Variants in PTPRT observed in about 807,000 individuals in gnomAD.
PTPRT encodes protein tyrosine phosphatase receptor type T.
Under a neutral mutation model 176.8 loss-of-function variants are expected in PTPRT, and 56 were observed. The ratio of observed to expected loss-of-function variants is 0.32; its 90% CI spans 0.26 to 0.40. PTPRT has a LOEUF of 0.40. Among genes scored for constraint, PTPRT ranks in the 10% least tolerant of loss-of-function variants. PTPRT has a pLI of 1.00. For synonymous variants in PTPRT, 783 were observed against 739.0 expected, an observed-to-expected ratio of 1.06 and a Z score of -0.96; for missense variants, 1,540 against 1,908.2, an observed-to-expected ratio of 0.81 and a Z score of 3.60.
At chr20:42,402,330 C>A (rs2058916376) in intron 9 of PTPRT, among the ~76,000 whole-genome samples, 1 of 151,878 alleles carries the variant, frequency 6.6e-6, no homozygotes, top group Non-Finnish European at 1.5e-5. Context: ...ACCAACCAAG[C>A]CTGTGCTAAA....
chr20:42,259,914 T>C (rs947921999), intron 13 of PTPRT, among the ~76,000 whole-genome samples: 4 of 152,212 alleles, frequency 2.6e-5, no homozygotes, highest in Non-Finnish European at 4.4e-5. Context: ...CTTGGTCTCA[T>C]TAGCATCAGT....
chr20:42,676,109 T>C (rs573105026), intron 7 of PTPRT, among the ~76,000 whole-genome samples: 2 of 152,188 alleles, frequency 1.3e-5, no homozygotes, highest in Admixed American at 6.5e-5. Context: ...TGGCACTCAG[T>C]AAGTTTCAGA....
At chr20:42,177,303 A>G (rs547061842) in intron 16 of PTPRT, among the ~76,000 whole-genome samples, 10 of 152,256 alleles carry the variant, frequency 6.6e-5, no homozygotes, top group Non-Finnish European at 1.0e-4. Flanking sequence ...TCCAGTTAAA[A>G]GATACAATGT....
At chr20:42,369,499 T>C (rs2058559122) in intron 9 of PTPRT, among the ~76,000 whole-genome samples, 1 of 152,146 alleles carries the variant, frequency 6.6e-6, no homozygotes, top group Non-Finnish European at 1.5e-5. Flanking sequence ...ATAGAGTCAA[T>C]GGTGCTGTGG....
chr20:42,195,891 A>G (rs1017856558), intron 16 of PTPRT, among the ~76,000 whole-genome samples: 2 of 152,210 alleles, frequency 1.3e-5, no homozygotes, highest in African/African-American at 4.8e-5. Flanking sequence ...ATTAGATTTC[A>G]CTGGATATTT....
intron 7 of PTPRT, among the ~76,000 whole-genome samples, chr20:42,629,147 G>T (rs767623611): frequency 4.6e-5 from 7 of 151,482 alleles, no homozygotes; most frequent in Non-Finnish European, 1.0e-4. Flanking sequence ...GCCAATTACT[G>T]TGGAAGACTC....
At chr20:42,740,035 G>A (rs1387080282) in intron 6 of PTPRT, among the ~76,000 whole-genome samples, 1 of 152,228 alleles carries the variant, frequency 6.6e-6, no homozygotes, top group East Asian at 1.9e-4. Flanking sequence ...CCACTGGGCA[G>A]ATGGTGGGTC....
At chr20:42,300,929 A>G (rs554828935) in intron 12 of PTPRT, among the ~76,000 whole-genome samples, 13 of 131,838 alleles carry the variant, frequency 9.9e-5, no homozygotes, top group Admixed American at 2.6e-4. Flanking sequence ...GGACACAGGA[A>G]GGGGAACATC....
chr20:42,124,014 T>C (rs965588440), intron 19 of PTPRT, among the ~76,000 whole-genome samples: 8 of 152,164 alleles, frequency 5.3e-5, no homozygotes, highest in African/African-American at 1.9e-4. Flanking sequence ...GAAAAATTCA[T>C]ATTGACTGAA....
chr20:42,549,639 T>A (rs1601245223), intron 7 of PTPRT, among the ~76,000 whole-genome samples: 1 of 152,206 alleles, frequency 6.6e-6, no homozygotes, highest in Non-Finnish European at 1.5e-5. Flanking sequence ...ACTATCCATG[T>A]GAAGAGGCAC....
chr20:43,137,091 C>T (rs773771117), intron 1 of PTPRT, among the ~76,000 whole-genome samples: 9 of 152,180 alleles, frequency 5.9e-5, no homozygotes, highest in Non-Finnish European at 1.0e-4. Context: ...CTACTCAGGT[C>T]CCCCAGAATG....
Position 43,085,953 on chromosome 20 carries a change from C to G in PTPRT, c.88+103693G>C, listed in dbSNP as rs866829273. On this transcript the variant is annotated intron_variant, in intron 1 of 30. Coordinates refer to ENST00000373187, the MANE Select transcript of PTPRT (RefSeq NM_007050.6). ...TAGGAGTTTGGAAAAGAGTTGTCTT[C>G]CCCACCCCCCCACAACTGAAAGAGG... Among the ~76,000 whole-genome samples, 6 of 152,078 alleles carry G rather than the reference C, an allele frequency of 3.9e-5. No individual in the cohort carries two copies. In the South Asian group the frequency reaches 8.3e-4, roughly 21 times the overall value.
intron 7 of PTPRT, among the ~76,000 whole-genome samples, chr20:42,660,229 C>T (rs998122095): frequency 2.0e-5 from 3 of 152,162 alleles, no homozygotes; most frequent in Admixed American, 2.0e-4. Flanking sequence ...ACCATTATGT[C>T]TACAAGTTCA....
chr20:42,263,674 G>C (rs944773201), intron 13 of PTPRT, among the ~76,000 whole-genome samples: 1 of 148,252 alleles, frequency 6.7e-6, no homozygotes, highest in African/African-American at 2.6e-5. Flanking sequence ...CCACTGCGCC[G>C]GGCCTTTTTT....
intron 7 of PTPRT, among the ~76,000 whole-genome samples, chr20:42,630,826 C>A (rs1045204087): frequency 8.5e-5 from 13 of 152,082 alleles, no homozygotes; most frequent in Admixed American, 2.0e-4. Context: ...CTATCAAGAG[C>A]GTTGCTCTTG....
chr20:42,513,907 C>G (rs2072009224), intron 7 of PTPRT, among the ~76,000 whole-genome samples: 1 of 152,120 alleles, frequency 6.6e-6, no homozygotes, highest in Non-Finnish European at 1.5e-5. Context: ...CTCTAATATT[C>G]ATTTTTCTCT....
chr20:42,841,137 C>A (rs191896443), intron 2 of PTPRT, among the ~76,000 whole-genome samples: 1 of 152,276 alleles, frequency 6.6e-6, no homozygotes, highest in East Asian at 1.9e-4. Context: ...AGCAGATATC[C>A]CACCCCATCC....
intron 12 of PTPRT, among the ~76,000 whole-genome samples, chr20:42,283,473 T>TA (rs1301130437): frequency 1.3e-5 from 2 of 152,174 alleles, no homozygotes; most frequent in East Asian, 3.9e-4. Context: ...TAGGAAAGGT[T>TA]AGGAGGCCAT....
intron 9 of PTPRT, among the ~76,000 whole-genome samples, chr20:42,400,684 C>T (rs2058896901): frequency 1.3e-5 from 2 of 152,016 alleles, no homozygotes; most frequent in Admixed American, 1.3e-4. Flanking sequence ...GAGGGAATAC[C>T]AAGCACGCTT....
Sources: allele counts gnomAD v4.1 joint callset (sites outside exome capture counted in the v4.1 genomes callset), GRCh38; gene constraint gnomAD v4.1.1; transcripts MANE v1.5; gene names NCBI Gene and HGNC (gene_info 2026-07-23, HGNC 2026-07-21).